Variants in USH2A observed in about 807,000 individuals in gnomAD.
USH2A encodes the protein usherin.
A neutral mutation model predicts 538.9 loss-of-function variants in USH2A; 443 were observed. The ratio of observed to expected loss-of-function variants is 0.82; its 90% CI spans 0.76 to 0.89. The LOEUF is 0.89. Among genes scored for constraint, USH2A ranks in the 40% least tolerant of loss-of-function variants. USH2A has a pLI of 0.00. For synonymous variants in USH2A, 2,413 were observed against 2,273.5 expected, an observed-to-expected ratio of 1.06 and a Z score of -1.75; for missense variants, 6,633 against 6,324.8, an observed-to-expected ratio of 1.05 and a Z score of -1.65.
chr1:215,950,117 G>A (rs546883789), intron 37 of USH2A, among the ~76,000 whole-genome samples: 3 of 152,184 alleles, frequency 2.0e-5, no homozygotes, highest in South Asian at 2.1e-4. Flanking sequence ...CATATCAAGT[G>A]TCTTCAAAAA....
chr1:215,874,241 A>G (rs1420330555), intron 43 of USH2A, among the ~76,000 whole-genome samples: 1 of 152,186 alleles, frequency 6.6e-6, no homozygotes, highest in African/African-American at 2.4e-5. Flanking sequence ...AACAACCATA[A>G]CTTGCTCACT....
At chr1:216,039,119 A>G (rs1244224993) in intron 32 of USH2A, among the ~76,000 whole-genome samples, 3 of 152,010 alleles carry the variant, frequency 2.0e-5, no homozygotes, top group Admixed American at 2.0e-4. Flanking sequence ...CTGATATTCA[A>G]ACATTCTGTA....
rs530945701 is a variant in USH2A at position 216,044,713 on chromosome 1, C to A, written c.6325+1718G>T. 2.4e-4 allele frequency among the ~76,000 whole-genome samples: 36 copies of A among 152,214 alleles called. 2 individuals are homozygous for A. In the South Asian group the frequency reaches 5.4e-3, roughly 23 times the overall value. ...CAAGTTAAAACACTTGTTTTTAAGA[C>A]CACATTCTTCAACACAGCCGGAATG... On this transcript the variant is annotated intron_variant, in intron 32 of 71. Coordinates refer to ENST00000307340, the MANE Select transcript of USH2A (RefSeq NM_206933.4).
intron 4 of USH2A, among the ~76,000 whole-genome samples, chr1:216,343,003 A>AT (rs906334355): frequency 2.6e-5 from 4 of 151,940 alleles, no homozygotes; most frequent in Non-Finnish European, 5.9e-5. Context: ...GTGAAATAAA[A>AT]TTTTTTTTAA....
At chr1:216,016,202 C>CGGGGAGGGGA (rs1461182346) in intron 32 of USH2A, among the ~76,000 whole-genome samples, 1 of 23,180 alleles carries the variant, frequency 4.3e-5, no homozygotes, top group Non-Finnish European at 9.2e-5. Context: ...GGGGGGTGGG[C>CGGGGAGGGGA]GGGGAGGGGA....
rs186099425 is a variant in USH2A at position 216,047,912 on chromosome 1, C to G, written c.6163+622G>C. Among the ~76,000 whole-genome samples, 8 of 152,272 alleles carry G rather than the reference C, an allele frequency of 5.3e-5. No individual in the cohort carries two copies. The East Asian group carries it at 1.5e-3, about 29-fold the overall frequency. On this transcript the variant is annotated intron_variant, in intron 31 of 71. Coordinates refer to ENST00000307340, the MANE Select transcript of USH2A (RefSeq NM_206933.4). ...TGAGCAAAGCTTTCACTTTGGCGTGCTAAAATATTTTCTCTTTCTCACTGC... is the reference window on the plus strand; with the variant it reads ...TGAGCAAAGCTTTCACTTTGGCGTGGTAAAATATTTTCTCTTTCTCACTGC...
intron 45 of USH2A, among the ~76,000 whole-genome samples, chr1:215,845,600 A>G (rs1438984293): frequency 6.6e-6 from 1 of 152,178 alleles, no homozygotes; most frequent in Non-Finnish European, 1.5e-5. Flanking sequence ...AACAGGAACA[A>G]ACTGGGCTAA....
intron 61 of USH2A, among the ~76,000 whole-genome samples, chr1:215,682,472 C>T (rs1045148919): frequency 6.6e-6 from 1 of 152,118 alleles, no homozygotes; most frequent in Non-Finnish European, 1.5e-5. Flanking sequence ...TAATGATTAA[C>T]AACTGGCATT....
intron 49 of USH2A, among the ~76,000 whole-genome samples, chr1:215,804,111 TA>T (rs554687091): frequency 0.034 from 5,169 of 152,228 alleles, 96 homozygotes; most frequent in African/African-American, 0.05. Flanking sequence ...ATCCCTTCCT[TA>T]CACCTTATAC....
intron 58 of USH2A, among the ~76,000 whole-genome samples, chr1:215,757,617 T>A (rs537832769): frequency 6.6e-6 from 1 of 152,332 alleles, no homozygotes; most frequent in African/African-American, 2.4e-5. Flanking sequence ...TAACCATTTT[T>A]AAATTTTACT....
intron 38 of USH2A, among the ~76,000 whole-genome samples, chr1:215,909,436 A>G (rs1665720164): frequency 1.3e-5 from 2 of 151,930 alleles, no homozygotes; most frequent in East Asian, 1.9e-4. Flanking sequence ...CTTAGTGTAT[A>G]CTATGGACTT....
At chr1:216,109,589 A>G (rs2032818094) in intron 21 of USH2A, among the ~76,000 whole-genome samples, 1 of 152,176 alleles carries the variant, frequency 6.6e-6, no homozygotes, top group Non-Finnish European at 1.5e-5. Context: ...CCAATTTGAA[A>G]CAGAAGTTTC....
At chr1:215,709,109 C>G (rs1256617732) in intron 61 of USH2A, among the ~76,000 whole-genome samples, 1 of 151,832 alleles carries the variant, frequency 6.6e-6, no homozygotes, top group Non-Finnish European at 1.5e-5. Flanking sequence ...TGTATTTGAT[C>G]AGAAGTGTCA....
intron 11 of USH2A, among the ~76,000 whole-genome samples, chr1:216,259,083 C>G (rs992119166): frequency 6.6e-6 from 1 of 152,110 alleles, no homozygotes; most frequent in African/African-American, 2.4e-5. Context: ...CATCCTTCAA[C>G]TGTTCCTGTT....
intron 21 of USH2A, among the ~76,000 whole-genome samples, chr1:216,150,447 T>TCTCCTAGCTGCTTCTAATCC (rs2033808755): frequency 2.0e-5 from 3 of 150,820 alleles, no homozygotes; most frequent in Non-Finnish European, 4.4e-5. Context: ...TAACCCATTC[T>TCTCCTAGCTGCTTCTAATCC]CTCCTAGCTG....
intron 3 of USH2A, among the ~76,000 whole-genome samples, chr1:216,396,239 A>C (rs1489974285): frequency 6.6e-6 from 1 of 151,844 alleles, no homozygotes; most frequent in African/African-American, 2.4e-5. Flanking sequence ...CACAATTCTG[A>C]TATTCAATGT....
At chr1:215,834,207 G>C (rs183899145) in intron 47 of USH2A, among the ~76,000 whole-genome samples, 15 of 152,172 alleles carry the variant, frequency 9.9e-5, no homozygotes, top group Admixed American at 9.8e-4. Context: ...CACATGAAAT[G>C]AAAATATATC....
At chr1:216,301,339 T>C (rs1054219181) in intron 9 of USH2A, among the ~76,000 whole-genome samples, 1 of 152,176 alleles carries the variant, frequency 6.6e-6, no homozygotes, top group African/African-American at 2.4e-5. Flanking sequence ...CTTAAGTTCA[T>C]AATGATCACA....
intron 41 of USH2A, among the ~76,000 whole-genome samples, chr1:215,884,453 T>C (rs1380702333): frequency 6.6e-6 from 1 of 152,130 alleles, no homozygotes; most frequent in African/African-American, 2.4e-5. Context: ...TGCCTGGGTG[T>C]GAATTCCAAC....
Sources: gnomAD v4.1 joint callset for allele counts (sites outside exome capture counted in the v4.1 genomes callset) on GRCh38, gnomAD v4.1.1 for gene constraint, MANE v1.5 for transcripts, NCBI Gene and HGNC (gene_info 2026-07-23, HGNC 2026-07-21) for gene names.